CELF4: variants seen among roughly 807,000 people sequenced by gnomAD.
CELF4 encodes CUGBP Elav-like family member 4.
A neutral mutation model predicts 59.9 loss-of-function variants in CELF4; 18 were observed. The observed-to-expected ratio is 0.30, with a 90% CI of 0.21 to 0.45. The LOEUF is 0.45. Among genes scored for constraint, CELF4 ranks in the 20% least tolerant of loss-of-function variants. The pLI is 1.00. For synonymous variants in CELF4, 261 were observed against 267.1 expected, an observed-to-expected ratio of 0.98 and a Z score of 0.22; for missense variants, 456 against 689.0, an observed-to-expected ratio of 0.66 and a Z score of 3.79.
intron 3 of CELF4, among the ~76,000 whole-genome samples, chr18:37,285,187 G>A (rs2094609463): frequency 6.6e-6 from 1 of 152,204 alleles, no homozygotes; most frequent in Non-Finnish European, 1.5e-5. Flanking sequence ...AGGCCTCACA[G>A]TCCCTCCCCA....
intron 1 of CELF4, among the ~76,000 whole-genome samples, chr18:37,515,346 G>A (rs1300532231): frequency 6.6e-6 from 1 of 152,140 alleles, no homozygotes; most frequent in African/African-American, 2.4e-5. Context: ...GCTCTGCAGT[G>A]TTGTCTGACC....
chr18:37,423,101 GAGACAGAC>G (rs1474709475), intron 2 of CELF4, among the ~76,000 whole-genome samples: 1 of 151,388 alleles, frequency 6.6e-6, no homozygotes, highest in Non-Finnish European at 1.5e-5. Flanking sequence ...GAGAGAGAGA[GAGACAGAC>G]AGACAGACAG....
intron 1 of CELF4, among the ~76,000 whole-genome samples, chr18:37,547,421 C>G (rs896822327): frequency 6.6e-6 from 1 of 152,160 alleles, no homozygotes; most frequent in Non-Finnish European, 1.5e-5. Context: ...GTTGCCACCC[C>G]CTGGAGGCTG....
intron 1 of CELF4, among the ~76,000 whole-genome samples, chr18:37,506,763 G>T (rs1460413465): frequency 2.0e-5 from 3 of 152,208 alleles, no homozygotes; most frequent in Non-Finnish European, 4.4e-5. Flanking sequence ...GCAATGTGGC[G>T]CTTCCCTGGG....
At chr18:37,392,510 G>C (rs748666761) in intron 2 of CELF4, among the ~76,000 whole-genome samples, 2 of 152,190 alleles carry the variant, frequency 1.3e-5, no homozygotes, top group African/African-American at 2.4e-5. Flanking sequence ...CGGGGAAGAG[G>C]CAGCGCTCAC....
At chr18:37,543,645 G>C (rs958462949) in intron 1 of CELF4, among the ~76,000 whole-genome samples, 4 of 152,222 alleles carry the variant, frequency 2.6e-5, no homozygotes, top group Non-Finnish European at 4.4e-5. Context: ...TAAGCACAAT[G>C]ACCAAAACCT....
intron 2 of CELF4, among the ~76,000 whole-genome samples, chr18:37,372,668 C>T (rs1224309778): frequency 6.6e-6 from 1 of 151,802 alleles, no homozygotes; most frequent in African/African-American, 2.4e-5. Context: ...AAAAAATAAC[C>T]ATATATTTTC....
At chr18:37,350,593 G>A (rs756878178) in intron 2 of CELF4, among the ~76,000 whole-genome samples, 6 of 152,116 alleles carry the variant, frequency 3.9e-5, no homozygotes, top group Non-Finnish European at 7.3e-5. Context: ...GAAATTTCCC[G>A]AGGCCACCAA....
intron 2 of CELF4, among the ~76,000 whole-genome samples, chr18:37,403,865 C>T (rs1473590981): frequency 6.6e-6 from 1 of 152,206 alleles, no homozygotes; most frequent in Non-Finnish European, 1.5e-5. Flanking sequence ...GTCTCAGCTA[C>T]ACAGACTCCC....
chr18:37,446,363 A>G (rs1256973917), intron 2 of CELF4, among the ~76,000 whole-genome samples: 1 of 152,088 alleles, frequency 6.6e-6, no homozygotes, highest in African/African-American at 2.4e-5. Flanking sequence ...CTGGGTGACC[A>G]ATGCAGCCCC....
intron 3 of CELF4, among the ~76,000 whole-genome samples, chr18:37,300,637 GA>G (rs2095961810): frequency 1.3e-5 from 2 of 152,236 alleles, no homozygotes; most frequent in African/African-American, 4.8e-5. Flanking sequence ...AAGATACAGA[GA>G]GGAACAAAGA....
intron 2 of CELF4, among the ~76,000 whole-genome samples, chr18:37,483,509 C>T (rs1323417218): frequency 1.3e-5 from 2 of 152,128 alleles, no homozygotes; most frequent in Non-Finnish European, 2.9e-5. Context: ...ATCTATCTTC[C>T]CCCCTCCCCG....
intron 1 of CELF4, among the ~76,000 whole-genome samples, chr18:37,509,576 GGACC>G: frequency 6.6e-6 from 1 of 152,330 alleles, no homozygotes; most frequent in Middle Eastern, 3.4e-3. Context: ...ATCAAGGTGG[GGACC>G]TTGAGACAGA....
intron 2 of CELF4, among the ~76,000 whole-genome samples, chr18:37,344,746 G>A (rs749181688): frequency 2.6e-5 from 4 of 152,206 alleles, no homozygotes; most frequent in East Asian, 1.9e-4. Context: ...GCAGACGCTC[G>A]TGAACCTGAA....
chr18:37,360,152 A>C (rs1447818750), intron 2 of CELF4, among the ~76,000 whole-genome samples: 1 of 152,056 alleles, frequency 6.6e-6, no homozygotes, highest in African/African-American at 2.4e-5. Flanking sequence ...CATGCCGGGC[A>C]TTTGTTGCCT....
At chr18:37,405,037 A>G (rs972750411) in intron 2 of CELF4, among the ~76,000 whole-genome samples, 14 of 152,266 alleles carry the variant, frequency 9.2e-5, no homozygotes, top group African/African-American at 2.4e-4. Flanking sequence ...CCGTTCACCC[A>G]CGGGGCCACT....
At chr18:37,557,259 T>G (rs891501797) in intron 1 of CELF4, among the ~76,000 whole-genome samples, 1 of 152,192 alleles carries the variant, frequency 6.6e-6, no homozygotes, top group Non-Finnish European at 1.5e-5. Context: ...CTTTTGTGTT[T>G]CTATAAACTC....
At chr18:37,549,712 C>A (rs1005158387) in intron 1 of CELF4, among the ~76,000 whole-genome samples, 1 of 152,100 alleles carries the variant, frequency 6.6e-6, no homozygotes, top group Non-Finnish European at 1.5e-5. Flanking sequence ...AAATAGAAGG[C>A]ATGCTATAAT....
At chr18:37,316,156 C>T (rs1236071997) in intron 3 of CELF4, among the ~76,000 whole-genome samples, 3 of 152,114 alleles carry the variant, frequency 2.0e-5, no homozygotes, top group African/African-American at 7.2e-5. Flanking sequence ...GTGTGTCTGC[C>T]TGCCAGGAGG....
Sources: gnomAD v4.1 joint callset for allele counts (sites outside exome capture counted in the v4.1 genomes callset) on GRCh38, gnomAD v4.1.1 for gene constraint, MANE v1.5 for transcripts, NCBI Gene and HGNC (gene_info 2026-07-23, HGNC 2026-07-21) for gene names.